ARHGAP21: variants seen among roughly 807,000 people sequenced by gnomAD.
ARHGAP21 encodes the protein Rho GTPase activating protein 21, also known as rho GTPase-activating protein 21.
A neutral mutation model predicts 164.6 loss-of-function variants in ARHGAP21; 38 were observed. The ratio of observed to expected loss-of-function variants is 0.23; its 90% CI spans 0.18 to 0.30. The LOEUF is 0.30. ARHGAP21 is among the 10% of genes least tolerant of loss of function. The pLI is 1.00. For missense variants in ARHGAP21, 1,822 were observed against 2,370.7 expected (o/e 0.77, Z 4.81); for synonymous variants, 766 against 857.9 (o/e 0.89, Z 1.87).
intron 4 of ARHGAP21, among the ~76,000 whole-genome samples, chr10:24,660,352 C>T (rs1839545695): frequency 7.2e-6 from 1 of 138,054 alleles, no homozygotes; most frequent in African/African-American, 2.8e-5. Context: ...CCACTACACT[C>T]CAGCCTGGGC....
intron 2 of ARHGAP21, among the ~76,000 whole-genome samples, chr10:24,675,230 C>G (rs1173777574): frequency 6.6e-6 from 1 of 152,112 alleles, no homozygotes; most frequent in Non-Finnish European, 1.5e-5. Flanking sequence ...CAGAATGCTA[C>G]TTATCAATAA....
chr10:24,592,588 G>A (rs2076382038), intron 21 of ARHGAP21, among the ~76,000 whole-genome samples: 1 of 151,862 alleles, frequency 6.6e-6, no homozygotes, highest in Admixed American at 6.6e-5. Context: ...CAGGTGGACT[G>A]CTTGAGCCCA....
chr10:24,591,278 T>G lies in ARHGAP21; in HGVS notation c.4097A>C (p.Asp1366Ala), dbSNP rs1428083619. The G allele has an allele frequency of 6.2e-7, 1 of 1,612,978 alleles. No homozygotes were observed. The highest frequency in any genetic ancestry group is 1.7e-5 in the Admixed American group (1 of 60,030). Residue 1366 changes from aspartate to alanine, a missense_variant, in exon 24 of 26, where the codon GAT (aspartate) becomes GCT (alanine). Physicochemically the swap from Asp to Ala is moderately radical, Grantham distance 126. Coordinates refer to ENST00000396432, the MANE Select transcript of ARHGAP21 (RefSeq NM_020824.4). ...CCTTCCAATGTTGGTGAGTAAATGATCTATGTTTGGCACTGGCTGGGAGTC... is the reference window on the plus strand; with the variant it reads ...CCTTCCAATGTTGGTGAGTAAATGAGCTATGTTTGGCACTGGCTGGGAGTC... ...TVDSQPVPNI[D>A]HLLTNIGRTG...
chr10:24,628,951 AC>A lies in ARHGAP21; in HGVS notation c.495+1044del, dbSNP rs1565054272. ...TACATACATATATATACACACACAC[AC>A]TATATATATATATATATATATATAT... On this transcript the variant is annotated intron_variant, in intron 7 of 25. Coordinates refer to ENST00000396432, the MANE Select transcript of ARHGAP21 (RefSeq NM_020824.4). 26 of 44,316 alleles carry A rather than the reference AC, an allele frequency of 5.9e-4. 1 individual carries two copies. Among genetic ancestry groups the A allele is most frequent in the South Asian group, 4.8e-3 (5 of 1,052 alleles). 2.7% of individuals were successfully genotyped at this position (44,316 alleles called of 1,614,324 possible). A position where few individuals can be genotyped will look rare whatever the true frequency, so the allele number is the denominator to read the frequency against.
At chr10:24,653,201 A>G (rs1375740037) in intron 4 of ARHGAP21, among the ~76,000 whole-genome samples, 1 of 152,220 alleles carries the variant, frequency 6.6e-6, no homozygotes, top group African/African-American at 2.4e-5. Context: ...TATGCTAACA[A>G]GTTCCCTGGT....
chr10:24,590,114 T>C, intron 24 of ARHGAP21: 4 of 1,162,604 alleles, frequency 3.4e-6, no homozygotes, highest in Non-Finnish European at 4.4e-6. Context: ...TTAGGGAAAT[T>C]GGTTTTCAGA....
At chr10:24,723,229 G>A (rs771768422) in intron 1 of ARHGAP21, 4 of 151,100 alleles carry the variant, frequency 2.6e-5, no homozygotes, top group South Asian at 4.2e-4. Flanking sequence ...CCGGGCGCCG[G>A]GCCCGGCCGG....
chr10:24,678,423 T>G (rs901142588), intron 2 of ARHGAP21, among the ~76,000 whole-genome samples: 11 of 152,178 alleles, frequency 7.2e-5, no homozygotes, highest in African/African-American at 2.7e-4. Context: ...GCTCTCTCCC[T>G]CCACCTCCTA....
Position 24,671,724 on chromosome 10 carries a change from T to A in ARHGAP21, c.64-1327A>T, listed in dbSNP as rs1002259746. On this transcript the variant is annotated intron_variant, in intron 2 of 25. Transcript: ENST00000396432. ...TGTAATTTCTTTAATCTTAACAAAA[T>A]TTTTTTTTTTTTTTTTGAGACAGGG... 6.1e-4 allele frequency among the ~76,000 whole-genome samples: 76 copies of A among 125,050 alleles called. 1 individual carries two copies. The East Asian group carries it at 6.4e-3, about 11-fold the overall frequency. The allele number at this position is 125,050 out of a possible 152,430, so 82.0% of individuals were successfully genotyped here.
chr10:24,676,774 AG>A (rs1565147644), intron 2 of ARHGAP21, among the ~76,000 whole-genome samples: 6 of 152,242 alleles, frequency 3.9e-5, no homozygotes, highest in Non-Finnish European at 7.3e-5. Flanking sequence ...GTTGCAGTAT[AG>A]TGGACAATTA....
intron 4 of ARHGAP21, chr10:24,648,927 C>A (rs1276810283): frequency 1.1e-6 from 1 of 885,304 alleles, no homozygotes. Context: ...CATATTTTCC[C>A]ACCTGTCCAC....
chr10:24,708,819 T>C (rs967847835), intron 2 of ARHGAP21, among the ~76,000 whole-genome samples: 4 of 152,230 alleles, frequency 2.6e-5, no homozygotes, highest in Admixed American at 6.5e-5. Context: ...ATATACCACA[T>C]TGTCTTTGTC....
chr10:24,658,076 C>T (rs1839262765), intron 4 of ARHGAP21, among the ~76,000 whole-genome samples: 1 of 143,672 alleles, frequency 7.0e-6, no homozygotes, highest in Non-Finnish European at 1.5e-5. Flanking sequence ...AAAAAAAATG[C>T]TCATCATCAC....
At chr10:24,691,036 T>C (rs1251140849) in intron 2 of ARHGAP21, among the ~76,000 whole-genome samples, 1 of 151,906 alleles carries the variant, frequency 6.6e-6, no homozygotes, top group African/African-American at 2.4e-5. Context: ...TTAACAGGAA[T>C]GTCTTAAAAT....
At chr10:24,590,168 C>T in intron 24 of ARHGAP21, 1 of 1,402,560 alleles carries the variant, frequency 7.1e-7, no homozygotes, top group Non-Finnish European at 9.2e-7. Context: ...TAACACATGG[C>T]TAAATGCTTT....
At chr10:24,704,123 T>A (rs1843974891) in intron 2 of ARHGAP21, among the ~76,000 whole-genome samples, 1 of 152,082 alleles carries the variant, frequency 6.6e-6, no homozygotes, top group Non-Finnish European at 1.5e-5. Context: ...GCCTCTATTG[T>A]CTAACCCCTG....
At chr10:24,589,585 C>T (rs1042706314) in intron 24 of ARHGAP21, 9 of 350,572 alleles carry the variant, frequency 2.6e-5, no homozygotes, top group African/African-American at 4.3e-5. Flanking sequence ...GTTTATTAGA[C>T]TTTCTAAATA....
intron 2 of ARHGAP21, among the ~76,000 whole-genome samples, chr10:24,696,169 A>C (rs1843154601): frequency 6.6e-6 from 1 of 152,230 alleles, no homozygotes; most frequent in Non-Finnish European, 1.5e-5. Context: ...AAGAGGACAC[A>C]AACAGTGGGC....
At chr10:24,669,363 T>C (rs1840483865) in intron 3 of ARHGAP21, among the ~76,000 whole-genome samples, 1 of 152,208 alleles carries the variant, frequency 6.6e-6, no homozygotes, top group African/African-American at 2.4e-5. Context: ...GAAAAGACTT[T>C]GTAATACTCT....
Sources: allele counts gnomAD v4.1 joint callset (sites outside exome capture counted in the v4.1 genomes callset), GRCh38; gene constraint gnomAD v4.1.1; transcripts MANE v1.5; gene names NCBI Gene and HGNC (gene_info 2026-07-23, HGNC 2026-07-21).